Variants in PLAGL1 observed in about 807,000 individuals in gnomAD.
PLAGL1 encodes the protein PLAG1 like zinc finger 1.
PLAGL1 carries 1 observed loss-of-function variant against 4.6 expected under a neutral mutation model. The observed-to-expected ratio is 0.22, with a 90% CI of 0.08 to 1.03. The LOEUF (loss-of-function observed/expected upper bound fraction) is 1.03, where lower values mean the gene tolerates loss of function less well. Among genes scored for constraint, PLAGL1 ranks in the 50% least tolerant of loss-of-function variants. The pLI is 0.58. For synonymous variants in PLAGL1, 240 were observed against 237.8 expected, an observed-to-expected ratio of 1.01 and a Z score of -0.08; for missense variants, 464 against 570.4, an observed-to-expected ratio of 0.81 and a Z score of 1.90.
In PLAGL1 at chr6:143,983,273, G is replaced by C. The variant is rs1788341186; in HGVS notation, c.-544+1862C>G. Among the ~76,000 whole-genome samples the C allele has an allele frequency of 6.6e-6, 1 of 152,170 alleles. No homozygotes were observed. Among genetic ancestry groups the C allele is most frequent in the Non-Finnish European group, 1.5e-5 (1 of 68,030 alleles). On this transcript the variant is annotated intron_variant, in intron 2 of 7. Coordinates refer to ENST00000674357, the MANE Select transcript of PLAGL1 (RefSeq NM_001317162.2). This position sits in a 1 kb window ranked among gnomAD's most constrained non-coding sequence, Gnocchi z 6.6. ...TTAATGGTTGAGTTTGCAATATGAAGGTCGCTGGTGACACTTGAGAACTTT... is the reference window on the plus strand; with the variant it reads ...TTAATGGTTGAGTTTGCAATATGAACGTCGCTGGTGACACTTGAGAACTTT...
At chr6:144,060,037 A>G (rs1180742503) in intron 1 of PLAGL1, among the ~76,000 whole-genome samples, 1 of 151,892 alleles carries the variant, frequency 6.6e-6, no homozygotes, top group Non-Finnish European at 1.5e-5. Flanking sequence ...CCTTCCTTTC[A>G]GGAAGTTGTG....
intron 1 of PLAGL1, chr6:144,037,587 C>T (rs909911884): frequency 8.6e-5 from 13 of 151,244 alleles, no homozygotes; most frequent in African/African-American, 2.2e-4. Flanking sequence ...AGCAAGACTC[C>T]ATTTCTAAAA....
At chr6:143,993,927 T>C (rs1041476885) in intron 1 of PLAGL1, among the ~76,000 whole-genome samples, 5 of 152,080 alleles carry the variant, frequency 3.3e-5, no homozygotes, top group Non-Finnish European at 7.4e-5. Context: ...GACTATCAGC[T>C]GAAGTCTTAA....
At position 143,973,153 on chromosome 6, in the gene PLAGL1, A is replaced by C. The variant is rs749625592; in HGVS notation, c.-543-4175T>G. On this transcript the variant is annotated intron_variant, in intron 2 of 7. Coordinates refer to ENST00000674357, the MANE Select transcript of PLAGL1 (RefSeq NM_001317162.2). This position sits in a 1 kb window ranked among gnomAD's most constrained non-coding sequence, Gnocchi z 6.2. ...CAGTGAATTCCCCACGGCTTCACAA[A>C]GCTAGTTAGGCAGAGCCATTCATTC... Among the ~76,000 whole-genome samples, 20 of 152,188 alleles carry C rather than the reference A, an allele frequency of 1.3e-4. No individual in the cohort carries two copies. Among genetic ancestry groups the C allele is most frequent in the Non-Finnish European group, 2.6e-4 (18 of 68,042 alleles).
In PLAGL1 at chr6:143,948,508, A is replaced by C. The variant is rs1006520935; in HGVS notation, c.-324-48T>G. 5.2e-6 allele frequency: 1 copy of C among 193,552 alleles called. No individual in the cohort carries two copies. The highest frequency in any genetic ancestry group is 2.3e-5 in the African/African-American group (1 of 43,324). The allele number at this position is 193,552 out of a possible 1,614,324, so 12.0% of individuals were successfully genotyped here. On this transcript the variant is annotated intron_variant, in intron 6 of 7. Transcript: ENST00000674357. The surrounding 1 kb of genome is among the most constrained non-coding windows in gnomAD (Gnocchi z 6.0). ...TTTCTTGCATTAGCCATTTGAAAAC[A>C]ATGCTTTTCCTCCCTGACCGCTTCA... is the stretch of plus-strand genomic sequence containing the variant.
rs908614722 is a variant in PLAGL1 at position 143,962,750 on chromosome 6, G to A, written c.-399+2037C>T. On this transcript the variant is annotated intron_variant, in intron 5 of 7. Coordinates refer to ENST00000674357, the MANE Select transcript of PLAGL1 (RefSeq NM_001317162.2). The surrounding 1 kb of genome is among the most constrained non-coding windows in gnomAD (Gnocchi z 5.3). The stretch of plus-strand genomic sequence containing the variant: ...CAGTTTCAGCTCATTCACTTCTAGC[G>A]ACTCCTGGTTTTACTTAAGCAAATT... Among the ~76,000 whole-genome samples, 2 of 152,144 alleles carry A rather than the reference G, an allele frequency of 1.3e-5. No individual in the cohort carries two copies. Among genetic ancestry groups the A allele is most frequent in the East Asian group, 1.9e-4 (1 of 5,196 alleles).
At position 144,036,109 on chromosome 6, in the gene PLAGL1, C is replaced by G. The variant is rs777522176; in HGVS notation, c.-151+28359G>C. Among the ~76,000 whole-genome samples, 5 of 152,184 alleles carry G rather than the reference C, an allele frequency of 3.3e-5. No homozygotes were observed. The highest frequency in any genetic ancestry group is 7.3e-5 in the Non-Finnish European group (5 of 68,036). On this transcript the variant is annotated intron_variant, in intron 1 of 3. Transcript: ENST00000437412. This position sits in a 1 kb window ranked among gnomAD's most constrained non-coding sequence, Gnocchi z 5.1. ...GGACACCCCAGGTGGACCCAGAGGG[C>G]AGCTACAAGCCGACTTTTATGCTCT...
At chr6:144,037,348 T>A (rs1797314972) in intron 1 of PLAGL1, 1 of 141,728 alleles carries the variant, frequency 7.1e-6, no homozygotes, top group African/African-American at 2.7e-5. Flanking sequence ...GAGGCCAACG[T>A]GGGACAATAA....
In PLAGL1 at chr6:143,941,670, G is replaced by A. The variant is rs150039945; in HGVS notation, c.1146C>T (p.Pro382=). 60 of 1,614,106 alleles carry A rather than the reference G, an allele frequency of 3.7e-5. No individual in the cohort carries two copies. The highest frequency in any genetic ancestry group is 3.1e-4 in the African/African-American group (23 of 74,938). The change falls in exon 8 of 8, where the codon CCC becomes CCT. Residue 382 remains proline (P), a synonymous_variant. Transcript: ENST00000674357. The surrounding 1 kb of genome is among the most constrained non-coding windows in gnomAD (Gnocchi z 6.0). ...LTIPASLDLS[P]LLGFWQLPPP... ...GGGGCAGCTGCCAGAAGCCCAACAG[G>A]GGGGACAGGTCCAGAGAGGCAGGTA...
intron 1 of PLAGL1, among the ~76,000 whole-genome samples, chr6:144,062,040 C>T (rs1433203425): frequency 1.3e-5 from 2 of 152,050 alleles, no homozygotes; most frequent in African/African-American, 4.8e-5. Flanking sequence ...ATAGCTGAGA[C>T]TTTTATGAAG....
rs968015700 is a variant in PLAGL1, at chr6:143,971,920, A to G, written c.-543-2942T>C. Among the ~76,000 whole-genome samples, 1 of 152,366 alleles carries G rather than the reference A, an allele frequency of 6.6e-6. No homozygotes were observed. Among genetic ancestry groups the G allele is most frequent in the African/African-American group, 2.4e-5 (1 of 41,578 alleles). On this transcript the variant is annotated intron_variant, in intron 2 of 7. Transcript: ENST00000674357. The surrounding 1 kb of genome is among the most constrained non-coding windows in gnomAD (Gnocchi z 4.7). ...CGTTGTGGTTTATTTTTAGGAAAGA[A>G]TAACAGAGAAGAGAGCTTGGATCTG...
rs1798353560 is a variant in PLAGL1, at chr6:144,048,647, A to G, written c.-151+15821T>C. On this transcript the variant is annotated intron_variant, in intron 1 of 3. Coordinates refer to the PLAGL1 transcript ENST00000437412. The surrounding 1 kb of genome is among the most constrained non-coding windows in gnomAD (Gnocchi z 4.8). ...ACACAGGGTGCCAAGTCCTGAGGCT[A>G]CACAGAGCAGCATCAGGGCTGTAAG... Among the ~76,000 whole-genome samples the G allele has an allele frequency of 6.6e-6, 1 of 152,216 alleles. No homozygotes were observed. Among genetic ancestry groups the G allele is most frequent in the African/African-American group, 2.4e-5 (1 of 41,464 alleles).
chr6:144,028,051 G>T (rs991416215), intron 1 of PLAGL1, among the ~76,000 whole-genome samples: 5 of 152,072 alleles, frequency 3.3e-5, no homozygotes, highest in African/African-American at 1.2e-4. Context: ...TTAAATAATG[G>T]CTCATATGGT....
chr6:144,000,827 T>G lies in PLAGL1; in HGVS notation c.-584+7263A>C, dbSNP rs1562539127. Among the ~76,000 whole-genome samples, 1 of 152,150 alleles carries G rather than the reference T, an allele frequency of 6.6e-6. No individual in the cohort carries two copies. Among genetic ancestry groups the G allele is most frequent in the African/African-American group, 2.4e-5 (1 of 41,458 alleles). On this transcript the variant is annotated intron_variant, in intron 1 of 7. Transcript: ENST00000674357. The surrounding 1 kb of genome is among the most constrained non-coding windows in gnomAD (Gnocchi z 4.1). ...AACAAACCTTTTAATACTTGCAAAG[T>G]TCTAAGAAATACTGGAAAAACATCC... is the stretch of plus-strand genomic sequence containing the variant.
intron 1 of PLAGL1, among the ~76,000 whole-genome samples, chr6:144,038,735 C>T (rs1368904365): frequency 6.6e-6 from 1 of 152,102 alleles, no homozygotes; most frequent in Admixed American, 6.5e-5. Context: ...CACAAAGAAC[C>T]ACATATTATA....
Position 143,962,808 on chromosome 6 carries a change from G to C in PLAGL1, c.-399+1979C>G, listed in dbSNP as rs1783648851. On this transcript the variant is annotated intron_variant, in intron 5 of 7. Coordinates refer to ENST00000674357, the MANE Select transcript of PLAGL1 (RefSeq NM_001317162.2). This position sits in a 1 kb window ranked among gnomAD's most constrained non-coding sequence, Gnocchi z 5.3. ...CTGACTTTTTTATTTCTAATGATTT[G>C]AGTGGGAAAGAATTGGGCAACCCTC... Among the ~76,000 whole-genome samples, 1 of 152,196 alleles carries C rather than the reference G, an allele frequency of 6.6e-6. No individual in the cohort carries two copies. The highest frequency in any genetic ancestry group is 1.5e-5 in the Non-Finnish European group (1 of 68,028).
intron 1 of PLAGL1, chr6:144,037,588 A>G (rs1797339876): frequency 6.6e-6 from 1 of 152,124 alleles, no homozygotes; most frequent in South Asian, 2.1e-4. Flanking sequence ...GCAAGACTCC[A>G]TTTCTAAAAA....
chr6:144,054,987 A>T (rs1245906019), intron 1 of PLAGL1, among the ~76,000 whole-genome samples: 1 of 152,192 alleles, frequency 6.6e-6, no homozygotes, highest in Non-Finnish European at 1.5e-5. Context: ...GGACATGTAC[A>T]AATTAAAACA....
At chr6:144,040,366 T>TA (rs1797631331) in intron 1 of PLAGL1, among the ~76,000 whole-genome samples, 2 of 149,484 alleles carry the variant, frequency 1.3e-5, no homozygotes, top group Non-Finnish European at 3.0e-5. Context: ...CTGGCTCTAT[T>TA]AAAAAAACAA....
Sources: gnomAD v4.1 joint callset for allele counts (sites outside exome capture counted in the v4.1 genomes callset) on GRCh38, gnomAD v4.1.1 for gene constraint, Gnocchi (gnomAD v3.1) non-coding constraint, MANE v1.5 for transcripts, NCBI Gene and HGNC (gene_info 2026-07-23, HGNC 2026-07-21) for gene names.